SLC44A4: variants seen among roughly 807,000 people sequenced by gnomAD.
SLC44A4 encodes solute carrier family 44 member 4, also known as choline transporter-like protein 4.
In SLC44A4, 74 loss-of-function variants were observed where a neutral mutation model predicts 97.0. The observed-to-expected ratio is 0.76, with a 90% CI of 0.63 to 0.93. The LOEUF (loss-of-function observed/expected upper bound fraction) is 0.93, where lower values mean the gene tolerates loss of function less well. Ranked by LOEUF, SLC44A4 falls within the 40% of genes least tolerant of loss-of-function variation. The pLI, the probability that SLC44A4 is intolerant of heterozygous loss-of-function variation, is 0.00. For missense variants in SLC44A4, 799 were observed against 902.9 expected (o/e 0.88, Z 1.48); for synonymous variants, 325 against 363.8 (o/e 0.89, Z 1.21).
chr6:31,875,746 G>T (rs13192107), intron 4 of SLC44A4, 106 bp downstream of exon 4: 10,940 of 1,010,432 alleles, frequency 0.011, 109 homozygotes, highest in South Asian at 0.039. Context: ...AGCAGGGAAA[G>T]GCTGTGGAAG....
chr6:31,867,391 C>A (rs1030825048), intron 13 of SLC44A4, among the ~76,000 whole-genome samples: 15 of 152,010 alleles, frequency 9.9e-5, no homozygotes, highest in African/African-American at 3.6e-4. Context: ...CTGCGCGCGG[C>A]CTTCTGTCAG....
chr6:31,863,598 G>C lies in SLC44A4; in HGVS notation c.*29C>G, dbSNP rs1195919041. Reference sequence around the variant, plus strand: ...TTGGATGGCTGGACGGTGGGGGTGGGGTGCAGTCCTGGATCAGGGCCGGAG... The same window carrying C: ...TTGGATGGCTGGACGGTGGGGGTGGCGTGCAGTCCTGGATCAGGGCCGGAG... On this transcript the variant is annotated 3_prime_UTR_variant, in exon 21 of 21. Coordinates refer to ENST00000229729, the MANE Select transcript of SLC44A4 (RefSeq NM_025257.3). The C allele has an allele frequency of 6.3e-7, 1 of 1,583,154 alleles. No homozygotes were observed. The highest frequency in any genetic ancestry group is 1.9e-5 in the Admixed American group (1 of 53,884).
chr6:31,863,495 G>T lies in SLC44A4; in HGVS notation c.*132C>A. 2 of 1,306,526 alleles carry T rather than the reference G, an allele frequency of 1.5e-6. No individual in the cohort carries two copies. The highest frequency in any genetic ancestry group is 1.0e-6 in the Non-Finnish European group (1 of 981,396). The allele number at this position is 1,306,526 out of a possible 1,614,324, so 80.9% of individuals were successfully genotyped here. On this transcript the variant is annotated 3_prime_UTR_variant, in exon 21 of 21. Coordinates refer to ENST00000229729, the MANE Select transcript of SLC44A4 (RefSeq NM_025257.3). ...CCCGCCTCAGCCTCTCAAAGTGTTG[G>T]ATTACAGGCGTGAGCCACGGCGCCT...
rs185271500 is a variant in SLC44A4, at chr6:31,867,089, T to A, written c.1234-963A>T. Among the ~76,000 whole-genome samples the A allele has an allele frequency of 8.1e-3, 1,227 of 151,058 alleles. 11 individuals are homozygous for A. The highest frequency in any genetic ancestry group is 0.037 in the South Asian group (175 of 4,774). On this transcript the variant is annotated intron_variant, in intron 13 of 20. Coordinates refer to ENST00000229729, the MANE Select transcript of SLC44A4 (RefSeq NM_025257.3). ...TTTCTAGCAAATATAACCAAAAAAA[T>A]TTTTTTTTGACACAGGGTCTCGCTC...
chr6:31,873,414 C>T (rs1290145535), intron 7 of SLC44A4, among the ~76,000 whole-genome samples: 1 of 151,880 alleles, frequency 6.6e-6, no homozygotes, highest in African/African-American at 2.4e-5. Flanking sequence ...AACTCCTGAT[C>T]TCAGGTGATC....
rs750561145 is a variant in SLC44A4, at chr6:31,863,608, T to C, written c.*19A>G. Reference sequence around the variant, plus strand: ...GGACGGTGGGGGTGGGGTGCAGTCCTGGATCAGGGCCGGAGCTGTCACTTC... The same window carrying C: ...GGACGGTGGGGGTGGGGTGCAGTCCCGGATCAGGGCCGGAGCTGTCACTTC... On this transcript the variant is annotated 3_prime_UTR_variant, in exon 21 of 21. Transcript: ENST00000229729. 1 of 1,606,636 alleles carries C rather than the reference T, an allele frequency of 6.2e-7. No homozygotes were observed. Among genetic ancestry groups the C allele is most frequent in the South Asian group, 1.1e-5 (1 of 90,468 alleles).
In SLC44A4 at chr6:31,878,951, G is replaced by C; in HGVS notation, c.30C>G (p.Asp10Glu). MGGKQRDEDDEAYGKPVKYD... is the reference protein window; with the variant it reads MGGKQRDEDEEAYGKPVKYD... Reference sequence around the variant, plus strand: ...TCGCCCCAGTCTCACCGTAGGCCTCGTCATCCTCGTCCCGCTGCTTTCCCC... The same window carrying C: ...TCGCCCCAGTCTCACCGTAGGCCTCCTCATCCTCGTCCCGCTGCTTTCCCC... The change falls in exon 1 of 21, where the codon GAC becomes GAG. Residue 10 changes from aspartate (D) to glutamate (E), a missense_variant. Transcript: ENST00000229729. This position sits in a 1 kb window ranked among gnomAD's most constrained non-coding sequence, Gnocchi z 4.0. 6.2e-7 allele frequency: 1 copy of C among 1,613,816 alleles called. No individual in the cohort carries two copies. The highest frequency in any genetic ancestry group is 8.5e-7 in the Non-Finnish European group (1 of 1,179,918).
rs1176481763 is a variant in SLC44A4, at chr6:31,878,958, T to C, written c.23A>G (p.Glu8Gly). 1.9e-6 allele frequency: 3 copies of C among 1,613,680 alleles called. No individual in the cohort carries two copies. The highest frequency in any genetic ancestry group is 2.5e-6 in the Non-Finnish European group (3 of 1,179,946). The change falls in exon 1 of 21, where the codon GAG becomes GGG. Residue 8 changes from glutamate to glycine, a missense_variant. Transcript: ENST00000229729. This position sits in a 1 kb window ranked among gnomAD's most constrained non-coding sequence, Gnocchi z 4.0. MGGKQRD[E>G]DDEAYGKPVK... ...AGTCTCACCGTAGGCCTCGTCATCC[T>C]CGTCCCGCTGCTTTCCCCCCATGGC...
At chr6:31,869,128 G>A (rs771923783) in intron 13 of SLC44A4, 27 bp downstream of exon 13, 14 of 1,570,088 alleles carry the variant, frequency 8.9e-6, no homozygotes, top group South Asian at 4.7e-5. Flanking sequence ...TACTAGTCCC[G>A]CCTCCATGTC....
chr6:31,863,575 G>A lies in SLC44A4; in HGVS notation c.*52C>T. 1 of 1,565,666 alleles carries A rather than the reference G, an allele frequency of 6.4e-7. No individual in the cohort carries two copies. The highest frequency in any genetic ancestry group is 8.6e-7 in the Non-Finnish European group (1 of 1,158,684). Reference sequence around the variant, plus strand: ...GAGACCTGTAAGGCGAAGTGAGGTTGGATGGCTGGACGGTGGGGGTGGGGT... The same window carrying A: ...GAGACCTGTAAGGCGAAGTGAGGTTAGATGGCTGGACGGTGGGGGTGGGGT... On this transcript the variant is annotated 3_prime_UTR_variant, in exon 21 of 21. Coordinates refer to ENST00000229729, the MANE Select transcript of SLC44A4 (RefSeq NM_025257.3).
In SLC44A4 at chr6:31,865,977, G is replaced by A; in HGVS notation, c.1383C>T (p.Gly461=). 6.2e-7 allele frequency: 1 copy of A among 1,614,244 alleles called. No homozygotes were observed. The highest frequency in any genetic ancestry group is 8.5e-7 in the Non-Finnish European group (1 of 1,180,044). Residue 461 remains glycine, a synonymous_variant, in exon 14 of 21, where the codon GGC becomes GGT. Transcript: ENST00000229729. This position sits in a 1 kb window ranked among gnomAD's most constrained non-coding sequence, Gnocchi z 5.2. Reference sequence around the variant, plus strand: ...CAAAGGCTCCAGCGAGGACGCATTGGCCCAGGGCCAGTACCCAGTTAAGGG... The same window carrying A: ...CAAAGGCTCCAGCGAGGACGCATTGACCCAGGGCCAGTACCCAGTTAAGGG... ...FWTLNWVLAL[G]QCVLAGAFAS...
At chr6:31,863,868 G>T (rs1762692887) in intron 20 of SLC44A4, 120 bp from the exon 21 acceptor site, 2 of 1,347,766 alleles carry the variant, frequency 1.5e-6, no homozygotes, top group East Asian at 2.4e-5. Context: ...CCCCGGGCAG[G>T]TTATGTAATC....
chr6:31,875,909 C>G lies in SLC44A4; in HGVS notation c.185G>C (p.Arg62Pro), dbSNP rs762855527. ...GIVAWLYGDPRQVLYPRNSTG... is the reference protein window; with the variant it reads ...GIVAWLYGDPPQVLYPRNSTG... ...AGAGTTCCTGGGGTAGAGGACTTGC[C>G]GGGGGTCTCCATACAACCAGGCTGC... Residue 62 changes from arginine to proline, a missense_variant, in exon 4 of 21, where the codon CGG becomes CCG. By Grantham distance (103) the Arg-to-Pro change is moderately radical. Transcript: ENST00000229729. 6.2e-7 allele frequency: 1 copy of G among 1,613,636 alleles called. No homozygotes were observed. Among genetic ancestry groups the G allele is most frequent in the South Asian group, 1.1e-5 (1 of 90,976 alleles).
rs1273195096 is a variant in SLC44A4, at chr6:31,877,358, C to G, written c.41-276G>C. ...CGGCTCACATCTCAAGGCAGTCAGT[C>G]TGGGAAATGGCCTTGGTCCCCTGCC... is the stretch of plus-strand genomic sequence containing the variant. On this transcript the variant is annotated intron_variant, in intron 1 of 20. Coordinates refer to ENST00000229729, the MANE Select transcript of SLC44A4 (RefSeq NM_025257.3). The surrounding 1 kb of genome is among the most constrained non-coding windows in gnomAD (Gnocchi z 6.5). 6.6e-6 allele frequency among the ~76,000 whole-genome samples: 1 copy of G among 152,114 alleles called. No individual in the cohort carries two copies. The highest frequency in any genetic ancestry group is 1.5e-5 in the Non-Finnish European group (1 of 68,000).
In SLC44A4 at chr6:31,863,572, G is replaced by GT; in HGVS notation, c.*54dup. On this transcript the variant is annotated 3_prime_UTR_variant, in exon 21 of 21. Transcript: ENST00000229729. The stretch of plus-strand genomic sequence containing the variant: ...ATGGAGACCTGTAAGGCGAAGTGAG[G>GT]TTGGATGGCTGGACGGTGGGGGTGG... The GT allele has an allele frequency of 6.4e-7, 1 of 1,565,032 alleles. No homozygotes were observed. The highest frequency in any genetic ancestry group is 8.6e-7 in the Non-Finnish European group (1 of 1,158,402).
At position 31,874,379 on chromosome 6, in the gene SLC44A4, C is replaced by G; in HGVS notation, c.529+81G>C. On this transcript the variant is annotated intron_variant, in intron 7 of 20. Coordinates refer to ENST00000229729, the MANE Select transcript of SLC44A4 (RefSeq NM_025257.3). The surrounding 1 kb of genome is among the most constrained non-coding windows in gnomAD (Gnocchi z 4.8). ...CACCAACAAGCTATGTGACTTCACT[C>G]TCTCTGGGCCTGATTTCTTCATTCA... is the stretch of plus-strand genomic sequence containing the variant. 5.4e-6 allele frequency: 8 copies of G among 1,489,022 alleles called. No homozygotes were observed. The highest frequency in any genetic ancestry group is 6.5e-6 in the Non-Finnish European group (7 of 1,072,746). The allele number at this position is 1,489,022 out of a possible 1,614,324, so 92.2% of individuals were successfully genotyped here.
At position 31,874,112 on chromosome 6, in the gene SLC44A4, C is replaced by CT. The variant is rs1554256427; in HGVS notation, c.529+347_529+348insA. Among the ~76,000 whole-genome samples the CT allele has an allele frequency of 2.1e-4, 30 of 143,530 alleles. No individual in the cohort carries two copies. Among genetic ancestry groups the CT allele is most frequent in the African/African-American group, 2.5e-4 (10 of 39,308 alleles). 94.2% of individuals were successfully genotyped at this position (143,530 alleles called of 152,430 possible). A position where few individuals can be genotyped will look rare whatever the true frequency, so the allele number is the denominator to read the frequency against. On this transcript the variant is annotated intron_variant, in intron 7 of 20. Coordinates refer to ENST00000229729, the MANE Select transcript of SLC44A4 (RefSeq NM_025257.3). The surrounding 1 kb of genome is among the most constrained non-coding windows in gnomAD (Gnocchi z 4.8). Reference sequence around the variant, plus strand: ...CCTGGGCAACAGAGGAAGACTCCGTCAAAAAAAAAAAAATGTGTGTGTAGA... The same window carrying CT: ...CCTGGGCAACAGAGGAAGACTCCGTCTAAAAAAAAAAAAATGTGTGTGTAGA...
intron 13 of SLC44A4, among the ~76,000 whole-genome samples, chr6:31,866,749 C>T (rs1762893332): frequency 6.6e-6 from 1 of 152,008 alleles, no homozygotes. Context: ...AAAAAATTAG[C>T]CGGGCGTGGT....
chr6:31,875,810 C>G (rs751149605), intron 4 of SLC44A4, 42 bp downstream of exon 4: 3 of 1,549,612 alleles, frequency 1.9e-6, no homozygotes, highest in Non-Finnish European at 2.6e-6. Context: ...CCCACCCTAC[C>G]TCGCCTCGCT....
Sources: gnomAD v4.1 joint callset for allele counts (sites outside exome capture counted in the v4.1 genomes callset) on GRCh38, gnomAD v4.1.1 for gene constraint, Gnocchi (gnomAD v3.1) non-coding constraint, MANE v1.5 for transcripts, NCBI Gene and HGNC (gene_info 2026-07-23, HGNC 2026-07-21) for gene names.